The following PTPN4 variants were observed in gnomAD, a reference collection of about 807,000 sequenced individuals.
PTPN4 encodes protein tyrosine phosphatase non-receptor type 4.
A neutral mutation model predicts 135.5 loss-of-function variants in PTPN4; 49 were observed. The ratio of observed to expected loss-of-function variants is 0.36; its 90% CI spans 0.29 to 0.46. PTPN4 has a LOEUF of 0.46. Ranked by LOEUF, PTPN4 falls within the 20% of genes least tolerant of loss-of-function variation. PTPN4 has a pLI of 1.00. For synonymous variants in PTPN4, 333 were observed against 369.9 expected (o/e 0.90, Z 1.14); for missense variants, 860 against 1,101.0 (o/e 0.78, Z 3.10).
At chr2:119,847,663 C>T (rs1354175561) in intron 2 of PTPN4, among the ~76,000 whole-genome samples, 1 of 152,074 alleles carries the variant, frequency 6.6e-6, no homozygotes, top group Non-Finnish European at 1.5e-5. Flanking sequence ...TTTACCTGTA[C>T]CAGTGCTCTT....
rs369755351 is a variant in PTPN4, at chr2:119,977,100, G to T, written c.*30G>T. ...GCAAAAAGATCTGGGATATGTGTTGGAAAACTGCTTTCCCTTATGTTCACT... is the reference window on the plus strand; with the variant it reads ...GCAAAAAGATCTGGGATATGTGTTGTAAAACTGCTTTCCCTTATGTTCACT... On this transcript the variant is annotated 3_prime_UTR_variant, in exon 27 of 27. Coordinates refer to ENST00000263708, the MANE Select transcript of PTPN4 (RefSeq NM_002830.4). 1 of 1,566,842 alleles carries T rather than the reference G, an allele frequency of 6.4e-7. No homozygotes were observed. The highest frequency in any genetic ancestry group is 1.4e-5 in the African/African-American group (1 of 71,690).
At position 119,847,275 on chromosome 2, in the gene PTPN4, T is replaced by TATACAC. The variant is rs1553451350; in HGVS notation, c.139-15260_139-15259insTACACA. ...TAAGAAAAAAAGGAGATACTCTATA[T>TATACAC]ACACACACACACACACACACACACA... is the stretch of plus-strand genomic sequence containing the variant. On this transcript the variant is annotated intron_variant, in intron 2 of 26. Transcript: ENST00000263708. Among the ~76,000 whole-genome samples, 13 of 107,538 alleles carry TATACAC rather than the reference T, an allele frequency of 1.2e-4. 1 individual carries two copies. Among genetic ancestry groups the TATACAC allele is most frequent in the African/African-American group, 5.0e-4 (13 of 26,018 alleles). The allele number at this position is 107,538 out of a possible 152,430, so 70.5% of individuals were successfully genotyped here.
At chr2:119,962,537 A>G (rs926332074) in intron 23 of PTPN4, 79 bp from the exon 24 acceptor site, 9 of 900,474 alleles carry the variant, frequency 1.0e-5, no homozygotes, top group Non-Finnish European at 1.2e-5. Context: ...AAATTTATTA[A>G]AAAAACATTT....
At chr2:119,784,575 GAC>G (rs1203080687) in intron 1 of PTPN4, among the ~76,000 whole-genome samples, 3 of 151,722 alleles carry the variant, frequency 2.0e-5, no homozygotes, top group Non-Finnish European at 4.4e-5. Context: ...TTTTAGTAGA[GAC>G]AGGGTTTCGC....
chr2:119,760,536 AAC>A (rs1408292521), intron 1 of PTPN4, among the ~76,000 whole-genome samples, 152 bp downstream of exon 1: 4 of 151,472 alleles, frequency 2.6e-5, no homozygotes, highest in Admixed American at 2.0e-4. Context: ...GACAAAAACA[AAC>A]AAACAAACAA....
chr2:119,905,197 G>A lies in PTPN4; in HGVS notation c.764+4391G>A, dbSNP rs140550173. Among the ~76,000 whole-genome samples, 492 of 152,232 alleles carry A rather than the reference G, an allele frequency of 3.2e-3. 2 individuals are homozygous for A. The highest frequency in any genetic ancestry group is 0.011 in the African/African-American group (465 of 41,542). ...AAGTTCCCGTTAAAACTTAGACACT[G>A]GCTGAATGGATGTAAAAAAAGAAGA... is the stretch of plus-strand genomic sequence containing the variant. On this transcript the variant is annotated intron_variant, in intron 10 of 26. Transcript: ENST00000263708.
At chr2:119,903,181 C>G (rs149481042) in intron 10 of PTPN4, among the ~76,000 whole-genome samples, 165 of 152,240 alleles carry the variant, frequency 1.1e-3, no homozygotes, top group Admixed American at 2.4e-3. Context: ...CATGTGCTCA[C>G]CACAGCCTCA....
intron 25 of PTPN4, among the ~76,000 whole-genome samples, chr2:119,965,924 T>C (rs1333743171): frequency 2.0e-5 from 3 of 152,228 alleles, no homozygotes; most frequent in African/African-American, 7.2e-5. Flanking sequence ...ACAATAGATT[T>C]GATGAAGTAC....
chr2:119,779,538 A>G (rs1574329167), intron 1 of PTPN4, among the ~76,000 whole-genome samples: 1 of 147,550 alleles, frequency 6.8e-6, no homozygotes, highest in South Asian at 2.2e-4. Context: ...AATGGTGTGA[A>G]CCCGGGAGGC....
chr2:119,821,877 C>T (rs1321970756), intron 2 of PTPN4, among the ~76,000 whole-genome samples: 2 of 151,964 alleles, frequency 1.3e-5, no homozygotes, highest in Non-Finnish European at 2.9e-5. Context: ...GAAAATATTG[C>T]CTTCTATTAA....
intron 15 of PTPN4, among the ~76,000 whole-genome samples, chr2:119,936,627 A>G (rs576298267): frequency 8.5e-5 from 13 of 152,308 alleles, no homozygotes; most frequent in East Asian, 5.8e-4. Flanking sequence ...CTGTGAGTCA[A>G]TTAAACCTCT....
intron 2 of PTPN4, among the ~76,000 whole-genome samples, chr2:119,824,004 T>C (rs955858435): frequency 3.3e-5 from 5 of 152,256 alleles, no homozygotes; most frequent in African/African-American, 1.2e-4. Context: ...TCTTTTCATA[T>C]TCATTTAGTT....
intron 13 of PTPN4, among the ~76,000 whole-genome samples, chr2:119,928,593 C>T (rs1678858088): frequency 6.6e-6 from 1 of 152,054 alleles, no homozygotes; most frequent in African/African-American, 2.4e-5. Context: ...TAATTTAAAC[C>T]TGTGATAATG....
chr2:119,884,524 T>G (rs1163687350), intron 8 of PTPN4, among the ~76,000 whole-genome samples: 3 of 152,218 alleles, frequency 2.0e-5, no homozygotes, highest in Non-Finnish European at 4.4e-5. Flanking sequence ...TTTAATGGAC[T>G]ACCTAATGTG....
chr2:119,800,094 T>A (rs955443662), intron 1 of PTPN4, among the ~76,000 whole-genome samples: 3 of 152,230 alleles, frequency 2.0e-5, no homozygotes, highest in Admixed American at 6.5e-5. Context: ...TCCTCCAGAT[T>A]GCTTTAAAGA....
In PTPN4 at chr2:119,788,535, C is replaced by G. The variant is rs967091826; in HGVS notation, c.-17-21302C>G. ...TACATTCACATTCCTGTGGAGCCAT[C>G]ACCACCATCCATCTTCAGAATGCTT... On this transcript the variant is annotated intron_variant, in intron 1 of 26. Coordinates refer to ENST00000263708, the MANE Select transcript of PTPN4 (RefSeq NM_002830.4). 2.0e-5 allele frequency among the ~76,000 whole-genome samples: 3 copies of G among 152,156 alleles called. No individual in the cohort carries two copies. In the East Asian group the frequency reaches 5.8e-4, roughly 29 times the overall value.
chr2:119,856,082 G>A (rs1677676355), intron 2 of PTPN4, among the ~76,000 whole-genome samples: 1 of 152,124 alleles, frequency 6.6e-6, no homozygotes, highest in African/African-American at 2.4e-5. Context: ...GGTATTACAG[G>A]CATGAGCCAC....
chr2:119,950,773 T>C (rs1306639428), intron 18 of PTPN4, among the ~76,000 whole-genome samples: 1 of 152,186 alleles, frequency 6.6e-6, no homozygotes, highest in African/African-American at 2.4e-5. Flanking sequence ...ATTTCTTTTG[T>C]CTCTTTTACC....
intron 19 of PTPN4, 55 bp from the exon 20 acceptor site, chr2:119,955,102 T>G: frequency 1.0e-5 from 15 of 1,451,154 alleles, no homozygotes; most frequent in Non-Finnish European, 1.4e-5. Flanking sequence ...ATTCCTATCG[T>G]GTGAATTCAT....
Sources: gnomAD v4.1 joint callset for allele counts (sites outside exome capture counted in the v4.1 genomes callset) on GRCh38, gnomAD v4.1.1 for gene constraint, MANE v1.5 for transcripts, NCBI Gene and HGNC (gene_info 2026-07-23, HGNC 2026-07-21) for gene names.